SLC5A4: variants seen among roughly 807,000 people sequenced by gnomAD.
SLC5A4 encodes solute carrier family 5 member 4, also known as probable glucose sensor protein SLC5A4.
In SLC5A4, 55 loss-of-function variants were observed where a neutral mutation model predicts 70.3. The ratio of observed to expected loss-of-function variants is 0.78; its 90% CI spans 0.63 to 0.98. SLC5A4 has a LOEUF of 0.98. Ranked by LOEUF, SLC5A4 falls within the 50% of genes least tolerant of loss-of-function variation. The pLI, the probability that SLC5A4 is intolerant of heterozygous loss-of-function variation, is 0.00. For missense variants in SLC5A4, 735 were observed against 839.2 expected, an observed-to-expected ratio of 0.88 and a Z score of 1.53; for synonymous variants, 268 against 305.7, an observed-to-expected ratio of 0.88 and a Z score of 1.29.
the SLC5A4 span, among the ~76,000 whole-genome samples, chr22:32,297,253 G>A: frequency 6.7e-6 from 1 of 148,704 alleles, no homozygotes; most frequent in African/African-American, 2.5e-5. Context: ...TGTACCTCTG[G>A]TAGAATTTGG....
chr22:32,288,397 ACT>A, the SLC5A4 span, among the ~76,000 whole-genome samples: 3 of 152,028 alleles, frequency 2.0e-5, no homozygotes, highest in Non-Finnish European at 2.9e-5. Flanking sequence ...TTTCCCTAAC[ACT>A]CTGTCTTTCA....
intron 5 of SLC5A4, among the ~76,000 whole-genome samples, chr22:32,240,855 CTT>C: frequency 6.6e-6 from 1 of 152,314 alleles, no homozygotes; most frequent in South Asian, 2.1e-4. Context: ...TGGTTAAACA[CTT>C]TGTTATACTG....
At chr22:32,311,347 CAT>C in the SLC5A4 span, among the ~76,000 whole-genome samples, 2,422 of 152,240 alleles carry the variant, frequency 0.016, 68 homozygotes, top group African/African-American at 0.055. Context: ...AGAGGACACA[CAT>C]GTTTATTAAG....
At chr22:32,287,488 C>A in the SLC5A4 span, among the ~76,000 whole-genome samples, 1 of 151,876 alleles carries the variant, frequency 6.6e-6, no homozygotes, top group Non-Finnish European at 1.5e-5. Context: ...GTTGTCCTAA[C>A]CCTACTTCAT....
At chr22:32,272,619 G>T in the SLC5A4 span, 2 of 600,332 alleles carry the variant, frequency 3.3e-6, no homozygotes, top group East Asian at 2.9e-5. Context: ...GTCTGACCAC[G>T]ACTGCAGCCT....
At chr22:32,259,944 A>G (rs1927675767), upstream of SLC5A4, among the ~76,000 whole-genome samples, 1 of 152,210 alleles carries the variant, frequency 6.6e-6, no homozygotes, top group South Asian at 2.1e-4. Context: ...TTGTGGGTAC[A>G]AGGCAGACAG....
At chr22:32,339,235 A>G in the SLC5A4 span, among the ~76,000 whole-genome samples, 4 of 152,066 alleles carry the variant, frequency 2.6e-5, no homozygotes, top group Non-Finnish European at 4.4e-5. Flanking sequence ...TTCTTTTCCT[A>G]TTTTTTACTC....
At chr22:32,307,200 A>G in the SLC5A4 span, among the ~76,000 whole-genome samples, 14 of 152,290 alleles carry the variant, frequency 9.2e-5, no homozygotes, top group African/African-American at 3.1e-4. Flanking sequence ...CCTGGATTTC[A>G]GTCTGTTAAG....
At chr22:32,271,514 G>T in the SLC5A4 span, 1 of 716,630 alleles carries the variant, frequency 1.4e-6, no homozygotes, top group Middle Eastern at 2.5e-4. Context: ...TCCGTGAGAA[G>T]AAGCCGAAGC....
chr22:32,298,257 T>C, the SLC5A4 span, among the ~76,000 whole-genome samples: 1 of 137,776 alleles, frequency 7.3e-6, no homozygotes, highest in Non-Finnish European at 1.6e-5. Context: ...AGTGGGGTGT[T>C]AAAGTCTCCC....
At chr22:32,321,816 G>A in the SLC5A4 span, among the ~76,000 whole-genome samples, 1 of 152,190 alleles carries the variant, frequency 6.6e-6, no homozygotes, top group African/African-American at 2.4e-5. Context: ...TTTTATGGCT[G>A]CATAGTATTC....
the SLC5A4 span, among the ~76,000 whole-genome samples, chr22:32,281,844 A>ATGTT: frequency 1.3e-5 from 2 of 149,398 alleles, no homozygotes; most frequent in East Asian, 2.0e-4. Flanking sequence ...CTCCGCTTTC[A>ATGTT]TGTTTGTTTG....
At chr22:32,253,906 G>A (rs1180940585) in intron 2 of SLC5A4, among the ~76,000 whole-genome samples, 1 of 151,904 alleles carries the variant, frequency 6.6e-6, no homozygotes, top group Non-Finnish European at 1.5e-5. Context: ...TCAGCCTCCT[G>A]AGTAGCTGGG....
chr22:32,354,342 CCCA>C, the SLC5A4 span, among the ~76,000 whole-genome samples: 19 of 151,940 alleles, frequency 1.3e-4, no homozygotes, highest in Middle Eastern at 3.4e-3. Flanking sequence ...TAACCCGTCC[CCCA>C]CCACAGCACT....
At chr22:32,219,703 G>A (rs948382858) in intron 14 of SLC5A4, among the ~76,000 whole-genome samples, 1 of 128,436 alleles carries the variant, frequency 7.8e-6, no homozygotes, top group East Asian at 2.1e-4. Flanking sequence ...AAAACAGAAA[G>A]GATGAAATAG....
intron 12 of SLC5A4, 129 bp from the exon 13 acceptor site, chr22:32,224,611 G>C: frequency 2.8e-6 from 2 of 704,288 alleles, no homozygotes; most frequent in Non-Finnish European, 4.8e-6. Flanking sequence ...TGGGCACAAG[G>C]TTACCGACAT....
At chr22:32,252,750 A>G (rs965182794) in intron 2 of SLC5A4, among the ~76,000 whole-genome samples, 1 of 152,096 alleles carries the variant, frequency 6.6e-6, no homozygotes, top group Non-Finnish European at 1.5e-5. Flanking sequence ...AAAGACCCCA[A>G]GCTGGCTAGG....
At chr22:32,306,305 A>AATAC in the SLC5A4 span, among the ~76,000 whole-genome samples, 51 of 145,710 alleles carry the variant, frequency 3.5e-4, no homozygotes, top group East Asian at 7.9e-3. Flanking sequence ...CTCTACTAAA[A>AATAC]ATACAAAAAA....
intron 13 of SLC5A4, among the ~76,000 whole-genome samples, chr22:32,221,325 C>A (rs1036182428): frequency 6.6e-6 from 1 of 152,182 alleles, no homozygotes; most frequent in Non-Finnish European, 1.5e-5. Context: ...CTACACTATA[C>A]CCCAGCTTCA....
Sources: allele counts gnomAD v4.1 joint callset (sites outside exome capture counted in the v4.1 genomes callset), GRCh38; gene constraint gnomAD v4.1.1; transcripts MANE v1.5; gene names NCBI Gene and HGNC (gene_info 2026-07-23, HGNC 2026-07-21).